Variants in GALNT13 observed in about 807,000 individuals in gnomAD.
The protein encoded by GALNT13 is UDP-GalNAc:polypeptide N-acetylgalactosaminyltransferase 13.
Under a neutral mutation model 64.2 loss-of-function variants are expected in GALNT13, and 28 were observed. That is an observed-to-expected ratio of 0.44 (90% confidence interval 0.32 to 0.60). The LOEUF is 0.60. GALNT13 is among the 20% of genes least tolerant of loss of function. The pLI, the probability that GALNT13 is intolerant of heterozygous loss-of-function variation, is 0.05. For synonymous variants in GALNT13, 214 were observed against 224.6 expected (o/e 0.95, Z 0.42); for missense variants, 577 against 669.8 (o/e 0.86, Z 1.53).
chr2:153,278,529 G>A, the GALNT13 span, among the ~76,000 whole-genome samples: 363 of 152,086 alleles, frequency 2.4e-3, 1 homozygote, highest in African/African-American at 8.4e-3. Flanking sequence ...GTGAATTTTC[G>A]TATATAGTGA....
At chr2:153,285,569 A>G in the GALNT13 span, among the ~76,000 whole-genome samples, 1 of 152,212 alleles carries the variant, frequency 6.6e-6, no homozygotes, top group Non-Finnish European at 1.5e-5. Context: ...AATATGTAAG[A>G]TGTATTTTAT....
the GALNT13 span, among the ~76,000 whole-genome samples, chr2:153,384,509 T>C: frequency 6.6e-5 from 10 of 152,106 alleles, no homozygotes; most frequent in African/African-American, 2.4e-4. Flanking sequence ...ATGTTGTCCC[T>C]ATTCAAAGGA....
chr2:154,438,969 T>C (rs1422654456), intron 12 of GALNT13, among the ~76,000 whole-genome samples: 1 of 152,146 alleles, frequency 6.6e-6, no homozygotes, highest in Non-Finnish European at 1.5e-5. Flanking sequence ...GACAACTTGT[T>C]ATCTCCATGT....
At chr2:153,566,252 G>T in the GALNT13 span, among the ~76,000 whole-genome samples, 1 of 151,254 alleles carries the variant, frequency 6.6e-6, no homozygotes, top group Non-Finnish European at 1.5e-5. Context: ...GACTCAGCTG[G>T]TATTGAGACC....
intron 4 of GALNT13, 38 bp downstream of exon 4, chr2:154,140,543 A>C: frequency 7.1e-7 from 1 of 1,399,848 alleles, no homozygotes; most frequent in Non-Finnish European, 1.0e-6. Context: ...TTATATTCAT[A>C]ATCACCATAT....
the GALNT13 span, among the ~76,000 whole-genome samples, chr2:153,479,533 G>A: frequency 6.6e-6 from 1 of 152,116 alleles, no homozygotes; most frequent in Non-Finnish European, 1.5e-5. Context: ...GGTAGTTGCC[G>A]GGAGCAGGGT....
At chr2:153,553,657 G>A in the GALNT13 span, among the ~76,000 whole-genome samples, 1 of 152,148 alleles carries the variant, frequency 6.6e-6, no homozygotes. Context: ...AAAAACTGTG[G>A]GTTTTAGAGA....
the GALNT13 span, among the ~76,000 whole-genome samples, chr2:153,367,773 T>C: frequency 6.6e-6 from 1 of 152,110 alleles, no homozygotes; most frequent in South Asian, 2.1e-4. Flanking sequence ...AGGGTGTATG[T>C]TGTAAATCTT....
chr2:154,041,881 G>A lies in GALNT13; in HGVS notation c.142+97242G>A, dbSNP rs1376063192. On this transcript the variant is annotated intron_variant, in intron 3 of 12. Transcript: ENST00000392825. ...ACTGCTCTTTCTTCTTTGTTTCTGT[G>A]CAATCTGTTACACCAACCAAAAATA... is the stretch of plus-strand genomic sequence containing the variant. 2.2e-5 allele frequency among the ~76,000 whole-genome samples: 3 copies of A among 139,402 alleles called. 1 individual carries two copies. The allele number at this position is 139,402 out of a possible 152,430, so 91.5% of individuals were successfully genotyped here.
chr2:154,276,775 G>A (rs947270999), intron 8 of GALNT13, among the ~76,000 whole-genome samples: 1 of 152,162 alleles, frequency 6.6e-6, no homozygotes, highest in East Asian at 1.9e-4. Flanking sequence ...AATCATGGGG[G>A]TGGTTAGTTG....
intron 11 of GALNT13, among the ~76,000 whole-genome samples, chr2:154,435,423 T>A (rs896820350): frequency 1.3e-5 from 2 of 151,926 alleles, no homozygotes; most frequent in Non-Finnish European, 2.9e-5. Flanking sequence ...TAACTGAGAG[T>A]GTCTGTGGAG....
chr2:153,233,566 G>A, the GALNT13 span, among the ~76,000 whole-genome samples: 2 of 151,638 alleles, frequency 1.3e-5, no homozygotes, highest in African/African-American at 4.8e-5. Flanking sequence ...GCATTATGTG[G>A]ATTATGACTT....
chr2:153,851,585 G>C, the GALNT13 span, among the ~76,000 whole-genome samples: 1 of 151,794 alleles, frequency 6.6e-6, no homozygotes, highest in Non-Finnish European at 1.5e-5. Flanking sequence ...TACACCTGTA[G>C]TCGCAGCTAC....
At chr2:153,835,672 CATAAT>C in the GALNT13 span, among the ~76,000 whole-genome samples, 932 of 152,128 alleles carry the variant, frequency 6.1e-3, 12 homozygotes, top group African/African-American at 0.021. Flanking sequence ...GTCTATGCTT[CATAAT>C]ATAAAAGAGT....
Position 154,298,608 on chromosome 2 carries a change from T to TAATTTATATATAAATTGTATATA in GALNT13, c.976-2801_976-2800insAATTTATATATAAATTGTATATA, listed in dbSNP as rs1190599505. Among the ~76,000 whole-genome samples, 32 of 3,872 alleles carry TAATTTATATATAAATTGTATATA rather than the reference T, an allele frequency of 8.3e-3. 8 individuals are homozygous for TAATTTATATATAAATTGTATATA. The highest frequency in any genetic ancestry group is 0.027 in the Admixed American group (5 of 188). 2.5% of individuals were successfully genotyped at this position (3,872 alleles called of 152,430 possible). ...ATAATTTATATATACAATGTATATA[T>TAATTTATATATAAATTGTATATA]TAATTTATATATACATTGTATATAT... On this transcript the variant is annotated intron_variant, in intron 8 of 12. Coordinates refer to ENST00000392825, the MANE Select transcript of GALNT13 (RefSeq NM_052917.4).
the GALNT13 span, among the ~76,000 whole-genome samples, chr2:153,726,939 C>T: frequency 4.1e-4 from 21 of 50,968 alleles, no homozygotes; most frequent in African/African-American, 1.4e-3. Context: ...GACTCCATCT[C>T]AAAAAAAAAA....
chr2:154,022,581 T>C (rs1315813066), intron 3 of GALNT13, among the ~76,000 whole-genome samples: 1 of 152,172 alleles, frequency 6.6e-6, no homozygotes, highest in Non-Finnish European at 1.5e-5. Context: ...CTGATTCTTC[T>C]CTCTTTTCTT....
At chr2:153,772,575 C>T in the GALNT13 span, among the ~76,000 whole-genome samples, 1 of 152,326 alleles carries the variant, frequency 6.6e-6, no homozygotes, top group East Asian at 1.9e-4. Flanking sequence ...TGAATTAAAG[C>T]TCAAAGAGTT....
chr2:154,250,803 G>A (rs1361803788), intron 7 of GALNT13, among the ~76,000 whole-genome samples: 1 of 151,852 alleles, frequency 6.6e-6, no homozygotes, highest in Non-Finnish European at 1.5e-5. Context: ...TGGATTGCAG[G>A]AAAGAAACAG....
Sources: gnomAD v4.1 joint callset for allele counts (sites outside exome capture counted in the v4.1 genomes callset) on GRCh38, gnomAD v4.1.1 for gene constraint, MANE v1.5 for transcripts, NCBI Gene and HGNC (gene_info 2026-07-23, HGNC 2026-07-21) for gene names.